PTPRD: variants seen among roughly 807,000 people sequenced by gnomAD.
PTPRD encodes the protein receptor-type tyrosine-protein phosphatase delta.
Under a neutral mutation model 214.5 loss-of-function variants are expected in PTPRD, and 34 were observed. The ratio of observed to expected loss-of-function variants is 0.16; its 90% CI spans 0.12 to 0.21. The LOEUF (loss-of-function observed/expected upper bound fraction) is 0.21, where lower values mean the gene tolerates loss of function less well. PTPRD is among the 10% of genes least tolerant of loss of function. PTPRD has a pLI of 1.00. For synonymous variants in PTPRD, 1,128 were observed against 845.7 expected (o/e 1.33, Z -5.79); for missense variants, 2,545 against 2,398.7 (o/e 1.06, Z -1.27).
At chr9:9,564,891 T>TTG (rs1167659271) in intron 8 of PTPRD, among the ~76,000 whole-genome samples, 1 of 132,486 alleles carries the variant, frequency 7.5e-6, no homozygotes, top group African/African-American at 3.0e-5. Flanking sequence ...TCTGTTTTTT[T>TTG]TTTTTTTTTT....
chr9:8,684,442 C>T (rs994563931), intron 12 of PTPRD, among the ~76,000 whole-genome samples: 1 of 152,048 alleles, frequency 6.6e-6, no homozygotes, highest in Admixed American at 6.5e-5. Flanking sequence ...GACTGCAAAC[C>T]CCATGATACT....
chr9:9,755,813 T>G (rs1466363959), intron 6 of PTPRD, among the ~76,000 whole-genome samples: 3 of 152,058 alleles, frequency 2.0e-5, no homozygotes, highest in African/African-American at 7.2e-5. Context: ...TCAAATATTA[T>G]TCAATTTATA....
chr9:10,515,247 C>T (rs2049655518), intron 2 of PTPRD, among the ~76,000 whole-genome samples: 1 of 151,880 alleles, frequency 6.6e-6, no homozygotes, highest in African/African-American at 2.4e-5. Flanking sequence ...TCTCAGACAC[C>T]AATTCTCATG....
chr9:8,512,370 T>C (rs890214775), intron 21 of PTPRD, among the ~76,000 whole-genome samples: 30 of 152,110 alleles, frequency 2.0e-4, no homozygotes, highest in African/African-American at 6.0e-4. Flanking sequence ...AATTTTATTA[T>C]AGTTGTATTT....
chr9:10,426,493 T>G (rs774341339), intron 2 of PTPRD, among the ~76,000 whole-genome samples: 1 of 152,046 alleles, frequency 6.6e-6, no homozygotes, highest in African/African-American at 2.4e-5. Flanking sequence ...GTTTTTGCTA[T>G]GAAAACTTGT....
intron 9 of PTPRD, among the ~76,000 whole-genome samples, chr9:9,311,542 C>G (rs987731054): frequency 6.6e-6 from 1 of 152,176 alleles, no homozygotes; most frequent in African/African-American, 2.4e-5. Context: ...CCCAAAACCC[C>G]TGTTGCAGAG....
intron 12 of PTPRD, chr9:8,700,903 C>T (rs1208118118): frequency 6.6e-6 from 1 of 152,090 alleles, no homozygotes; most frequent in Non-Finnish European, 1.5e-5. Context: ...AAAATTTTTC[C>T]TGTAATCCCA....
At chr9:10,002,275 C>G (rs1567023163) in intron 4 of PTPRD, among the ~76,000 whole-genome samples, 1 of 147,498 alleles carries the variant, frequency 6.8e-6, no homozygotes, top group Non-Finnish European at 1.5e-5. Context: ...ACAAGACATA[C>G]AAAAAAAGTA....
At position 8,780,319 on chromosome 9, in the gene PTPRD, G is replaced by A. The variant is rs144397402; in HGVS notation, c.-103-46373C>T. ...ACCAATCCATCCCTTTTCCCCGAGAGTAGGTGTAAACATGTAAAAATATTC... is the reference window on the plus strand; with the variant it reads ...ACCAATCCATCCCTTTTCCCCGAGAATAGGTGTAAACATGTAAAAATATTC... On this transcript the variant is annotated intron_variant, in intron 11 of 45. Coordinates refer to ENST00000381196, the MANE Select transcript of PTPRD (RefSeq NM_002839.4). Among the ~76,000 whole-genome samples, 202 of 152,218 alleles carry A rather than the reference G, an allele frequency of 1.3e-3. 1 individual carries two copies. Among genetic ancestry groups the A allele is most frequent in the Middle Eastern group, 3.4e-3 (1 of 294 alleles).
intron 2 of PTPRD, among the ~76,000 whole-genome samples, chr9:10,488,104 G>A (rs568204916): frequency 3.7e-4 from 56 of 151,722 alleles, no homozygotes; most frequent in South Asian, 1.0e-3. Flanking sequence ...ATGGTGGCTC[G>A]CGCCTGTAAT....
In PTPRD at chr9:10,470,879, T is replaced by C. The variant is rs115870980; in HGVS notation, c.-599-129862A>G. On this transcript the variant is annotated intron_variant, in intron 2 of 45. Coordinates refer to ENST00000381196, the MANE Select transcript of PTPRD (RefSeq NM_002839.4). ...AAATATATTGCAGCACTATTCACAATAGCAAAGACTGGAACCAACCAAATG... is the reference window on the plus strand; with the variant it reads ...AAATATATTGCAGCACTATTCACAACAGCAAAGACTGGAACCAACCAAATG... Among the ~76,000 whole-genome samples the C allele has an allele frequency of 4.6e-3, 697 of 152,098 alleles. 9 individuals carry two copies. The highest frequency in any genetic ancestry group is 0.016 in the African/African-American group (666 of 41,496).
At chr9:9,467,593 A>AAAAAAAAAAAAAAAAAAAAC (rs2094293717) in intron 8 of PTPRD, among the ~76,000 whole-genome samples, 1 of 137,750 alleles carries the variant, frequency 7.3e-6, no homozygotes, top group Non-Finnish European at 1.7e-5. Context: ...TCTCCCAAAA[A>AAAAAAAAAAAAAAAAAAAAC]AAAAAAAAAA....
chr9:10,482,101 G>C (rs1018225534), intron 2 of PTPRD, among the ~76,000 whole-genome samples: 1 of 152,178 alleles, frequency 6.6e-6, no homozygotes, highest in Non-Finnish European at 1.5e-5. Context: ...GCCGGGCGCG[G>C]TGGCTCACGC....
intron 5 of PTPRD, among the ~76,000 whole-genome samples, chr9:9,852,026 C>T (rs73641381): frequency 0.069 from 10,490 of 152,040 alleles, 1,233 homozygotes; most frequent in African/African-American, 0.24. Context: ...TCCTGAAGTA[C>T]AGAATATAGT....
chr9:9,885,132 A>T (rs184704400), intron 5 of PTPRD, among the ~76,000 whole-genome samples: 128 of 152,250 alleles, frequency 8.4e-4, no homozygotes, highest in Middle Eastern at 3.4e-3. Flanking sequence ...GTAGATTACC[A>T]GGCAGAGAGC....
At chr9:9,883,484 G>T (rs1324521714) in intron 5 of PTPRD, among the ~76,000 whole-genome samples, 2 of 152,016 alleles carry the variant, frequency 1.3e-5, no homozygotes, top group Non-Finnish European at 2.9e-5. Context: ...GGCAATCAGG[G>T]GATACTAAAT....
chr9:10,224,365 C>G (rs1292584821), intron 3 of PTPRD, among the ~76,000 whole-genome samples: 2 of 151,848 alleles, frequency 1.3e-5, no homozygotes, highest in Non-Finnish European at 2.9e-5. Context: ...ATTGTCTATT[C>G]TTTTCTTATT....
intron 5 of PTPRD, among the ~76,000 whole-genome samples, chr9:9,830,822 T>A (rs1237545255): frequency 6.6e-6 from 1 of 151,952 alleles, no homozygotes. Flanking sequence ...CTCTTCTATT[T>A]CTAGCCTTGT....
chr9:9,725,887 TTC>T (rs1394651926), intron 7 of PTPRD, among the ~76,000 whole-genome samples: 1 of 152,142 alleles, frequency 6.6e-6, no homozygotes, highest in African/African-American at 2.4e-5. Flanking sequence ...GGATGTTTCA[TTC>T]TCTCTCTGTC....
Sources: allele counts gnomAD v4.1 joint callset (sites outside exome capture counted in the v4.1 genomes callset), GRCh38; gene constraint gnomAD v4.1.1; transcripts MANE v1.5; gene names NCBI Gene and HGNC (gene_info 2026-07-23, HGNC 2026-07-21).